Variants in SENP1 observed in about 807,000 individuals in gnomAD.
SENP1 encodes the protein SUMO specific peptidase 1, also known as sentrin-specific protease 1.
A neutral mutation model predicts 93.0 loss-of-function variants in SENP1; 21 were observed. The observed-to-expected ratio is 0.23, with a 90% CI of 0.16 to 0.33. The LOEUF (loss-of-function observed/expected upper bound fraction) is 0.33. SENP1 is among the 10% of genes least tolerant of loss of function. The pLI, the probability that SENP1 is intolerant of heterozygous loss-of-function variation, is 1.00. For missense variants in SENP1, 591 were observed against 758.7 expected (o/e 0.78, Z 2.60); for synonymous variants, 256 against 259.6 (o/e 0.99, Z 0.13).
chr12:48,047,659 A>G (rs1941473096), intron 15 of SENP1, among the ~76,000 whole-genome samples: 1 of 152,200 alleles, frequency 6.6e-6, no homozygotes, highest in South Asian at 2.1e-4. Context: ...GGTCCACCTG[A>G]GCCACTAACT....
chr12:48,094,633 T>C (rs1466283818), intron 4 of SENP1, among the ~76,000 whole-genome samples: 3 of 151,586 alleles, frequency 2.0e-5, no homozygotes, highest in South Asian at 4.2e-4. Flanking sequence ...TGAGTCAAGA[T>C]CGCGCCATTA....
At chr12:48,072,925 T>C (rs1368567185) in intron 8 of SENP1, among the ~76,000 whole-genome samples, 1 of 151,480 alleles carries the variant, frequency 6.6e-6, no homozygotes, top group Non-Finnish European at 1.5e-5. Flanking sequence ...GGGGAACTAC[T>C]GTAGTTCATG....
At chr12:48,077,781 T>C (rs1232674233) in intron 6 of SENP1, among the ~76,000 whole-genome samples, 1 of 152,050 alleles carries the variant, frequency 6.6e-6, no homozygotes, top group Non-Finnish European at 1.5e-5. Context: ...AAGTTCTCTA[T>C]TCCGTTTCAT....
At chr12:48,047,300 C>G (rs1351650244) in intron 15 of SENP1, among the ~76,000 whole-genome samples, 1 of 152,202 alleles carries the variant, frequency 6.6e-6, no homozygotes, top group Non-Finnish European at 1.5e-5. Flanking sequence ...GGAACATGAC[C>G]TCTGCCTCTA....
At chr12:48,078,068 T>G (rs1944222536) in intron 6 of SENP1, among the ~76,000 whole-genome samples, 1 of 151,962 alleles carries the variant, frequency 6.6e-6, no homozygotes. Context: ...ACAGAATAGC[T>G]TTCCATTTAA....
chr12:48,069,222 A>G (rs1319521858), intron 9 of SENP1, among the ~76,000 whole-genome samples: 2 of 151,736 alleles, frequency 1.3e-5, no homozygotes, highest in Admixed American at 6.6e-5. Flanking sequence ...CCAAGTAGAC[A>G]GAGAGAGAAA....
intron 5 of SENP1, 32 bp downstream of exon 5, chr12:48,088,769 G>A (rs1380902485): frequency 3.1e-6 from 5 of 1,589,308 alleles, no homozygotes; most frequent in Non-Finnish European, 4.3e-6. Context: ...GTCTGAGGAA[G>A]GGCTTGAGAA....
chr12:48,078,334 T>TATATACACACAC, intron 6 of SENP1, among the ~76,000 whole-genome samples: 2 of 67,894 alleles, frequency 2.9e-5, no homozygotes, highest in East Asian at 2.2e-3. Context: ...TATATATATA[T>TATATACACACAC]ACACACACAT....
intron 9 of SENP1, among the ~76,000 whole-genome samples, chr12:48,069,307 A>G (rs1163216707): frequency 6.6e-6 from 1 of 152,224 alleles, no homozygotes; most frequent in Non-Finnish European, 1.5e-5. Context: ...TCTGGGAAAT[A>G]AAAGCAGATC....
At chr12:48,058,057 T>C (rs1473934985) in intron 13 of SENP1, among the ~76,000 whole-genome samples, 3 of 148,466 alleles carry the variant, frequency 2.0e-5, no homozygotes, top group Non-Finnish European at 4.4e-5. Flanking sequence ...GCGATTCTCC[T>C]GCCTCAGCCT....
chr12:48,052,716 G>A (rs551808107), intron 13 of SENP1, among the ~76,000 whole-genome samples: 3 of 152,278 alleles, frequency 2.0e-5, no homozygotes, highest in Admixed American at 6.5e-5. Context: ...AACTTTTAGA[G>A]AAAGACAGGC....
intron 16 of SENP1, among the ~76,000 whole-genome samples, 186 bp from the exon 17 acceptor site, chr12:48,046,637 A>G (rs1417917799): frequency 6.6e-6 from 1 of 152,124 alleles, no homozygotes; most frequent in Non-Finnish European, 1.5e-5. Flanking sequence ...AGGTCTGTGT[A>G]CTCTGTATTA....
At chr12:48,083,012 C>T (rs7963640) in intron 6 of SENP1, among the ~76,000 whole-genome samples, 14,177 of 152,130 alleles carry the variant, frequency 0.093, 1,349 homozygotes, top group East Asian at 0.36. Flanking sequence ...TCAAGCAATC[C>T]TCCCACCTCA....
intron 15 of SENP1, among the ~76,000 whole-genome samples, chr12:48,047,404 T>C (rs1337495818): frequency 2.0e-5 from 3 of 152,240 alleles, no homozygotes; most frequent in Non-Finnish European, 2.9e-5. Context: ...CTCAATCTAA[T>C]GGAAGAAAAG....
chr12:48,083,997 C>T (rs1944661632), intron 5 of SENP1, among the ~76,000 whole-genome samples: 1 of 152,172 alleles, frequency 6.6e-6, no homozygotes, highest in South Asian at 2.1e-4. Flanking sequence ...CTTAAAACTG[C>T]ATTTTTAGAT....
At chr12:48,096,720 T>C (rs1945587838) in intron 3 of SENP1, among the ~76,000 whole-genome samples, 1 of 152,184 alleles carries the variant, frequency 6.6e-6, no homozygotes, top group African/African-American at 2.4e-5. Context: ...CCTCCCAAAA[T>C]GCTGGGATTA....
intron 9 of SENP1, among the ~76,000 whole-genome samples, chr12:48,068,741 G>A (rs895305611): frequency 6.6e-6 from 1 of 151,968 alleles, no homozygotes; most frequent in Non-Finnish European, 1.5e-5. Context: ...ATGGGTGACA[G>A]ATACAAAAGT....
At chr12:48,094,265 A>G (rs1227878125) in intron 4 of SENP1, among the ~76,000 whole-genome samples, 2 of 152,154 alleles carry the variant, frequency 1.3e-5, no homozygotes, top group Non-Finnish European at 2.9e-5. Flanking sequence ...CTGTAGTCCC[A>G]ACTACTCGGG....
At chr12:48,052,273 T>A (rs1941877087) in intron 13 of SENP1, among the ~76,000 whole-genome samples, 1 of 152,252 alleles carries the variant, frequency 6.6e-6, no homozygotes, top group Non-Finnish European at 1.5e-5. Flanking sequence ...AAACTATTGT[T>A]TTCTCATGTT....
Sources: allele counts gnomAD v4.1 joint callset (sites outside exome capture counted in the v4.1 genomes callset), GRCh38; gene constraint gnomAD v4.1.1; transcripts MANE v1.5; gene names NCBI Gene and HGNC (gene_info 2026-07-23, HGNC 2026-07-21).